TFEC: variants seen among roughly 807,000 people sequenced by gnomAD.
TFEC encodes the protein transcription factor EC.
TFEC carries 31 observed loss-of-function variants against 41.6 expected under a neutral mutation model. The observed-to-expected ratio is 0.74, with a 90% CI of 0.56 to 1.01. TFEC has a LOEUF of 1.01. Among genes scored for constraint, TFEC ranks in the 50% least tolerant of loss-of-function variants. TFEC has a pLI of 0.00. For missense variants in TFEC, 402 were observed against 404.1 expected, an observed-to-expected ratio of 0.99 and a Z score of 0.04; for synonymous variants, 143 against 140.6, an observed-to-expected ratio of 1.02 and a Z score of -0.12.
chr7:116,138,877 C>G (rs1456324619), intron 1 of TFEC, among the ~76,000 whole-genome samples: 1 of 152,156 alleles, frequency 6.6e-6, no homozygotes, highest in Non-Finnish European at 1.5e-5. Context: ...AACGTGTCCC[C>G]TCCTAACTCA....
intron 3 of TFEC, among the ~76,000 whole-genome samples, chr7:116,107,656 T>C (rs1282670249): frequency 6.6e-6 from 1 of 152,188 alleles, no homozygotes; most frequent in Non-Finnish European, 1.5e-5. Context: ...ATTCTCTCTG[T>C]GATTTCATCT....
intron 5 of TFEC, among the ~76,000 whole-genome samples, chr7:115,952,061 G>T (rs1389690185): frequency 6.6e-6 from 1 of 152,002 alleles, no homozygotes; most frequent in Non-Finnish European, 1.5e-5. Flanking sequence ...TCACATTTGA[G>T]AATTATGAAC....
At chr7:116,147,417 T>A (rs911126949) in intron 1 of TFEC, among the ~76,000 whole-genome samples, 1 of 152,180 alleles carries the variant, frequency 6.6e-6, no homozygotes, top group African/African-American at 2.4e-5. Context: ...ATATTTTTTT[T>A]ATTATACTTT....
In TFEC at chr7:115,938,881, T is replaced by G. The variant is rs1446249236; in HGVS notation, c.*1670A>C. 2.0e-5 allele frequency: 3 copies of G among 151,948 alleles called. No individual in the cohort carries two copies. The highest frequency in any genetic ancestry group is 2.9e-5 in the Non-Finnish European group (2 of 67,916). 9.4% of individuals were successfully genotyped at this position (151,948 alleles called of 1,614,324 possible). On this transcript the variant is annotated 3_prime_UTR_variant, in exon 8 of 8. Coordinates refer to ENST00000265440, the MANE Select transcript of TFEC (RefSeq NM_012252.4). Reference sequence around the variant, plus strand: ...TCACAACCTGTTGTCAGTCTTATGCTTCAGAACTCCCCAACAGACATCTTC... The same window carrying G: ...TCACAACCTGTTGTCAGTCTTATGCGTCAGAACTCCCCAACAGACATCTTC...
At chr7:116,059,470 C>T (rs1796502532) in intron 3 of TFEC, among the ~76,000 whole-genome samples, 1 of 151,794 alleles carries the variant, frequency 6.6e-6, no homozygotes, top group Non-Finnish European at 1.5e-5. Flanking sequence ...TAAAAAGGAG[C>T]GTCTTCTTCC....
intron 1 of TFEC, among the ~76,000 whole-genome samples, chr7:116,133,100 T>C (rs766162712): frequency 6.6e-6 from 1 of 152,208 alleles, no homozygotes; most frequent in Non-Finnish European, 1.5e-5. Flanking sequence ...ATTTTTAAGT[T>C]GCTTATAATC....
intron 1 of TFEC, among the ~76,000 whole-genome samples, chr7:116,026,216 A>G (rs2130872952): frequency 6.6e-6 from 1 of 152,338 alleles, no homozygotes; most frequent in Middle Eastern, 3.4e-3. Context: ...TGAATATGCC[A>G]TGCTTTTCAC....
At chr7:116,056,761 T>C (rs1796440344) in intron 3 of TFEC, among the ~76,000 whole-genome samples, 1 of 151,986 alleles carries the variant, frequency 6.6e-6, no homozygotes, top group South Asian at 2.1e-4. Context: ...ATATCTAACA[T>C]CTTATAAGGT....
chr7:115,986,764 T>TG (rs68111459), intron 1 of TFEC, among the ~76,000 whole-genome samples: 1 of 70,570 alleles, frequency 1.4e-5, no homozygotes, highest in Non-Finnish European at 2.5e-5. Flanking sequence ...TGTTGTGGGG[T>TG]GGGGGGAGGG....
chr7:116,073,009 CA>C (rs535932194), intron 3 of TFEC, among the ~76,000 whole-genome samples: 32 of 150,774 alleles, frequency 2.1e-4, no homozygotes, highest in Admixed American at 2.0e-3. Flanking sequence ...AATAATTAAA[CA>C]AAAAAATAAG....
At chr7:115,951,396 C>T (rs1442854108) in intron 5 of TFEC, among the ~76,000 whole-genome samples, 1 of 152,048 alleles carries the variant, frequency 6.6e-6, no homozygotes, top group African/African-American at 2.4e-5. Context: ...TCTGTGTATC[C>T]AATTAGACTC....
chr7:116,025,312 T>C (rs1410942057), intron 1 of TFEC, among the ~76,000 whole-genome samples: 1 of 152,182 alleles, frequency 6.6e-6, no homozygotes, highest in Non-Finnish European at 1.5e-5. Flanking sequence ...CCCATTGTTA[T>C]GTTCTGTACT....
chr7:116,146,344 C>T lies in TFEC; in HGVS notation c.-69+13446G>A, dbSNP rs148667684. 2.9e-3 allele frequency among the ~76,000 whole-genome samples: 434 copies of T among 152,192 alleles called. 2 individuals are homozygous for T. Among genetic ancestry groups the T allele is most frequent in the African/African-American group, 9.5e-3 (396 of 41,532 alleles). ...AAAGAAAACCTACCAAAACCAGGAGCCTTGAAAAAAGAGCATTATTGTCAG... is the reference window on the plus strand; with the variant it reads ...AAAGAAAACCTACCAAAACCAGGAGTCTTGAAAAAAGAGCATTATTGTCAG... On this transcript the variant is annotated intron_variant, in intron 1 of 8. Coordinates refer to the TFEC transcript ENST00000484212.
chr7:116,078,618 T>G (rs188986833), intron 3 of TFEC, among the ~76,000 whole-genome samples: 276 of 152,134 alleles, frequency 1.8e-3, no homozygotes, highest in Middle Eastern at 3.4e-3. Context: ...TATACAACCC[T>G]CCTAGATTAA....
At chr7:116,076,985 A>G (rs1268430671) in intron 3 of TFEC, among the ~76,000 whole-genome samples, 1 of 152,226 alleles carries the variant, frequency 6.6e-6, no homozygotes, top group Non-Finnish European at 1.5e-5. Context: ...CAGATTATCT[A>G]AAGTCAAGAC....
intron 3 of TFEC, among the ~76,000 whole-genome samples, chr7:116,036,334 A>G (rs1795908936): frequency 6.6e-6 from 1 of 152,100 alleles, no homozygotes. Flanking sequence ...TGCCTTCACG[A>G]ACACATTAAT....
intron 1 of TFEC, among the ~76,000 whole-genome samples, chr7:116,132,558 G>A (rs1219910528): frequency 6.6e-6 from 1 of 152,226 alleles, no homozygotes; most frequent in Non-Finnish European, 1.5e-5. Context: ...TTAACTGTGA[G>A]TGCATGGCAG....
chr7:116,119,601 A>G (rs1798065940), intron 1 of TFEC, among the ~76,000 whole-genome samples: 1 of 151,822 alleles, frequency 6.6e-6, no homozygotes, highest in Admixed American at 6.6e-5. Context: ...GTCATTAAAA[A>G]GTTAAATAAA....
chr7:116,061,479 C>T (rs914257022), intron 3 of TFEC, among the ~76,000 whole-genome samples: 3 of 151,978 alleles, frequency 2.0e-5, no homozygotes, highest in South Asian at 2.1e-4. Context: ...GACTTAAATG[C>T]AAAATGGAAA....
Sources: allele counts gnomAD v4.1 joint callset (sites outside exome capture counted in the v4.1 genomes callset), GRCh38; gene constraint gnomAD v4.1.1; transcripts MANE v1.5; gene names NCBI Gene and HGNC (gene_info 2026-07-23, HGNC 2026-07-21).